Variants in AKT3 observed in about 807,000 individuals in gnomAD.
The protein encoded by AKT3 is AKT serine/threonine kinase 3, also known as RAC-gamma serine/threonine-protein kinase.
In AKT3, 15 loss-of-function variants were observed where a neutral mutation model predicts 65.3. The ratio of observed to expected loss-of-function variants is 0.23; its 90% CI spans 0.15 to 0.35. AKT3 has a LOEUF of 0.35. AKT3 is among the 10% of genes least tolerant of loss of function. The probability of loss-of-function intolerance (pLI) is 1.00; values close to 1 mark genes in which losing one functional copy is unlikely to be tolerated. For synonymous variants in AKT3, 206 were observed against 183.8 expected (o/e 1.12, Z -0.98); for missense variants, 243 against 576.5 (o/e 0.42, Z 5.92).
At chr1:243,652,771 C>CAAAAAAAAAAAA (rs371580711) in intron 4 of AKT3, among the ~76,000 whole-genome samples, 51 of 31,264 alleles carry the variant, frequency 1.6e-3, no homozygotes, top group Admixed American at 3.8e-3. Context: ...AAATAGAAAG[C>CAAAAAAAAAAAA]AAAAAAAAAA....
chr1:243,806,864 T>C (rs2148383919), intron 2 of AKT3, among the ~76,000 whole-genome samples: 1 of 152,312 alleles, frequency 6.6e-6, no homozygotes, highest in East Asian at 1.9e-4. Flanking sequence ...CAAGAGTGGG[T>C]TCTTTCAGTG....
chr1:243,803,729 C>A (rs1194800728), intron 2 of AKT3, among the ~76,000 whole-genome samples: 2 of 150,854 alleles, frequency 1.3e-5, no homozygotes, highest in African/African-American at 4.9e-5. Flanking sequence ...ATGTTAAAAG[C>A]CACTACTCCC....
intron 2 of AKT3, among the ~76,000 whole-genome samples, chr1:243,817,364 A>C (rs376783793): frequency 3.3e-5 from 5 of 152,242 alleles, no homozygotes; most frequent in African/African-American, 1.2e-4. Context: ...CAACAACACG[A>C]CACTGCCAAA....
intron 2 of AKT3, among the ~76,000 whole-genome samples, chr1:243,836,262 G>A: frequency 6.6e-6 from 1 of 151,966 alleles, no homozygotes; most frequent in East Asian, 1.9e-4. Context: ...CACACAAACT[G>A]AATTCCAAGA....
chr1:243,553,621 C>CA (rs372495938), intron 10 of AKT3, among the ~76,000 whole-genome samples: 2,021 of 151,498 alleles, frequency 0.013, 36 homozygotes, highest in African/African-American at 0.044. Flanking sequence ...CCTGTTACAG[C>CA]AAAAAAAATG....
chr1:243,782,737 G>T (rs1299537768), intron 2 of AKT3, among the ~76,000 whole-genome samples: 3 of 152,116 alleles, frequency 2.0e-5, no homozygotes, highest in Non-Finnish European at 2.9e-5. Flanking sequence ...AAGAATAAAA[G>T]ATTAGATTCC....
At chr1:243,845,630 GCA>G (rs1695488733) in intron 1 of AKT3, among the ~76,000 whole-genome samples, 1 of 143,350 alleles carries the variant, frequency 7.0e-6, no homozygotes, top group African/African-American at 2.6e-5. Context: ...GAATTTGGTT[GCA>G]CAGTTGGCCA....
At chr1:243,567,740 T>A (rs1241621567) in intron 9 of AKT3, among the ~76,000 whole-genome samples, 1 of 152,146 alleles carries the variant, frequency 6.6e-6, no homozygotes, top group Non-Finnish European at 1.5e-5. Context: ...CTAAAACTTG[T>A]CCACCAAAAT....
downstream of AKT3, among the ~76,000 whole-genome samples, chr1:243,495,710 T>C (rs1345903654): frequency 6.6e-6 from 1 of 152,202 alleles, no homozygotes; most frequent in African/African-American, 2.4e-5. Flanking sequence ...TGGGCGGTCC[T>C]GCTCGAAGGC....
chr1:243,537,338 T>G (rs1422623664), intron 12 of AKT3, among the ~76,000 whole-genome samples: 1 of 152,136 alleles, frequency 6.6e-6, no homozygotes, highest in African/African-American at 2.4e-5. Flanking sequence ...GACATATTTA[T>G]TTCCATTTTA....
intron 2 of AKT3, among the ~76,000 whole-genome samples, chr1:243,771,063 G>A (rs1690152469): frequency 6.6e-6 from 1 of 152,194 alleles, no homozygotes; most frequent in Admixed American, 6.5e-5. Flanking sequence ...GCATTCATAT[G>A]TACATGTGAG....
rs200243503 is a variant in AKT3, at chr1:243,556,364, A to T, written c.949-3421T>A. ...ACTACCAATTCAAGTTACTAATGTAAATATTTATTTGGCTAATGGGCTTTT... is the reference window on the plus strand; with the variant it reads ...ACTACCAATTCAAGTTACTAATGTATATATTTATTTGGCTAATGGGCTTTT... On this transcript the variant is annotated intron_variant, in intron 10 of 13. Transcript: ENST00000673466. 2.0e-5 allele frequency among the ~76,000 whole-genome samples: 3 copies of T among 152,112 alleles called. No individual in the cohort carries two copies. The East Asian group carries it at 5.8e-4, about 29-fold the overall frequency.
At chr1:243,591,501 C>T (rs1174616482) in intron 8 of AKT3, among the ~76,000 whole-genome samples, 1 of 151,998 alleles carries the variant, frequency 6.6e-6, no homozygotes, top group Non-Finnish European at 1.5e-5. Flanking sequence ...AATTCAATGT[C>T]TGGCATCCAA....
At chr1:243,689,504 T>G (rs1348941642) in intron 3 of AKT3, among the ~76,000 whole-genome samples, 1 of 134,784 alleles carries the variant, frequency 7.4e-6, no homozygotes, top group African/African-American at 3.0e-5. Context: ...TTTTTTTTTT[T>G]AAAGAGACAG....
chr1:243,576,351 C>T (rs910680187), intron 8 of AKT3, among the ~76,000 whole-genome samples: 7 of 152,192 alleles, frequency 4.6e-5, no homozygotes, highest in African/African-American at 1.7e-4. Context: ...TCTCTCACCA[C>T]TCCTACTCAA....
chr1:243,628,819 A>G (rs1329034963), intron 6 of AKT3, among the ~76,000 whole-genome samples: 2 of 152,258 alleles, frequency 1.3e-5, no homozygotes, highest in Admixed American at 6.5e-5. Flanking sequence ...AACTGATGAA[A>G]GAACAACAAA....
At chr1:243,622,365 CATT>C (rs767905979) in intron 6 of AKT3, among the ~76,000 whole-genome samples, 3 of 152,200 alleles carry the variant, frequency 2.0e-5, no homozygotes, top group Non-Finnish European at 4.4e-5. Context: ...TCGCTACCAT[CATT>C]ATTCCTTATT....
intron 2 of AKT3, among the ~76,000 whole-genome samples, chr1:243,817,824 C>A (rs977973513): frequency 1.3e-5 from 2 of 152,198 alleles, no homozygotes; most frequent in Non-Finnish European, 2.9e-5. Flanking sequence ...TTTTTAATTT[C>A]TTAAACTATC....
chr1:243,755,502 CTAGTA>C (rs1267957977), intron 2 of AKT3, among the ~76,000 whole-genome samples: 1 of 152,110 alleles, frequency 6.6e-6, no homozygotes, highest in African/African-American at 2.4e-5. Flanking sequence ...CCAGTTACTA[CTAGTA>C]TACTGATAGA....
Sources: allele counts gnomAD v4.1 joint callset (sites outside exome capture counted in the v4.1 genomes callset), GRCh38; gene constraint gnomAD v4.1.1; transcripts MANE v1.5; gene names NCBI Gene and HGNC (gene_info 2026-07-23, HGNC 2026-07-21).